Variants in ZCCHC8 observed in about 807,000 individuals in gnomAD.
The protein encoded by ZCCHC8 is zinc finger CCHC domain-containing protein 8.
Under a neutral mutation model 70.6 loss-of-function variants are expected in ZCCHC8, and 27 were observed. The observed-to-expected ratio is 0.38, with a 90% CI of 0.28 to 0.53. ZCCHC8 has a LOEUF of 0.53. ZCCHC8 is among the 20% of genes least tolerant of loss of function. The probability of loss-of-function intolerance (pLI) is 0.81; values close to 1 mark genes in which losing one functional copy is unlikely to be tolerated. For synonymous variants in ZCCHC8, 293 were observed against 317.4 expected (o/e 0.92, Z 0.82); for missense variants, 737 against 876.9 (o/e 0.84, Z 2.01).
chr12:122,490,621 A>T, intron 3 of ZCCHC8, 54 bp from the exon 4 acceptor site: 2 of 1,130,478 alleles, frequency 1.8e-6, no homozygotes, highest in Non-Finnish European at 2.5e-6. Flanking sequence ...CATTCAATAG[A>T]CTGAAGTCTT....
At chr12:122,497,864 CTGGG>C (rs1464370124) in intron 2 of ZCCHC8, among the ~76,000 whole-genome samples, 3 of 151,238 alleles carry the variant, frequency 2.0e-5, no homozygotes, top group Non-Finnish European at 4.4e-5. Context: ...AAAAAAGTAG[CTGGG>C]TGTGGTGGTG....
chr12:122,487,039 G>A (rs1273845532), intron 5 of ZCCHC8, among the ~76,000 whole-genome samples: 1 of 152,170 alleles, frequency 6.6e-6, no homozygotes, highest in Non-Finnish European at 1.5e-5. Context: ...CTCCTGCCTT[G>A]GGGCTTTCTA....
At chr12:122,498,941 C>T (rs1471683090) in intron 1 of ZCCHC8, 72 bp from the exon 2 acceptor site, 39 of 1,345,712 alleles carry the variant, frequency 2.9e-5, no homozygotes, top group Non-Finnish European at 4.0e-5. Context: ...CTACTTCTCT[C>T]ACTTTTGGTG....
rs761279694 is a variant in ZCCHC8 at position 122,474,100 on chromosome 12, A to G, written c.1521T>C (p.Ser507=). The G allele has an allele frequency of 5.9e-6, 9 of 1,516,196 alleles. No homozygotes were observed. In the South Asian group the frequency reaches 1.1e-4, roughly 18 times the overall value. The allele number at this position is 1,516,196 out of a possible 1,614,324, so 93.9% of individuals were successfully genotyped here. The change falls in exon 14 of 14, where the codon TCT becomes TCC. Residue 507 remains serine (S), a synonymous_variant. Transcript: ENST00000633063. ...TCAGTGCGTCCTCATCCACAGCTCC[A>G]GATGCTGTTCTGGTCTGGGGTGAGT... is the stretch of plus-strand genomic sequence containing the variant. ...PSDSPQTRTA[S]GAVDEDALTL...
chr12:122,474,514 G>T (rs1005787045), intron 13 of ZCCHC8, among the ~76,000 whole-genome samples: 2 of 152,116 alleles, frequency 1.3e-5, no homozygotes, highest in African/African-American at 4.8e-5. Context: ...TCCCTCGGGA[G>T]ATCTGTTTCT....
At chr12:122,490,042 T>A (rs972291403) in intron 4 of ZCCHC8, among the ~76,000 whole-genome samples, 5 of 152,028 alleles carry the variant, frequency 3.3e-5, no homozygotes, top group East Asian at 1.9e-4. Context: ...CTCTTTTTTT[T>A]AAAACATAAA....
rs540201136 is a variant in ZCCHC8, at chr12:122,497,736, T to G, written c.242+1091A>C. On this transcript the variant is annotated intron_variant, in intron 2 of 13. Transcript: ENST00000633063. ...TAAAGTTAGGTGCCTAGGCTGGGCA[T>G]GGTGGCTCATCCCTGTAATTCCAGC... 2.0e-5 allele frequency among the ~76,000 whole-genome samples: 3 copies of G among 151,942 alleles called. No individual in the cohort carries two copies. In the South Asian group the frequency reaches 6.2e-4, roughly 32 times the overall value.
intron 13 of ZCCHC8, among the ~76,000 whole-genome samples, chr12:122,477,613 T>C (rs1456886538): frequency 8.2e-6 from 1 of 121,412 alleles, no homozygotes; most frequent in African/African-American, 2.7e-5. Flanking sequence ...TGAAACCCTG[T>C]CTCTACTAAA....
rs75832895 is a variant in ZCCHC8 at position 122,486,154 on chromosome 12, C to T, written c.502-2591G>A. 5.3e-3 allele frequency among the ~76,000 whole-genome samples: 800 copies of T among 152,126 alleles called. 9 individuals are homozygous for T. Among genetic ancestry groups the T allele is most frequent in the African/African-American group, 0.018 (759 of 41,512 alleles). ...TCATGGCCAGGCGTGGTGGCTCATG[C>T]CTGTAATCCTAGCACTTTGGGAGGC... On this transcript the variant is annotated intron_variant, in intron 5 of 13. Transcript: ENST00000633063.
intron 10 of ZCCHC8, 26 bp downstream of exon 10, chr12:122,481,486 CACTTAAGGTG>C (rs751699624): frequency 6.5e-7 from 1 of 1,528,430 alleles, no homozygotes; most frequent in South Asian, 1.3e-5. Context: ...AAAAAGGAAA[CACTTAAGGTG>C]ACTTCTCTAA....
intron 2 of ZCCHC8, 60 bp downstream of exon 2, chr12:122,498,767 A>G (rs1957869969): frequency 1.3e-6 from 2 of 1,498,952 alleles, no homozygotes; most frequent in Admixed American, 1.7e-5. Context: ...TTCTGATTAA[A>G]TATTAATATC....
At chr12:122,492,639 T>C in intron 3 of ZCCHC8, 76 bp downstream of exon 3, 1 of 955,734 alleles carries the variant, frequency 1.0e-6, no homozygotes, top group Non-Finnish European at 1.6e-6. Flanking sequence ...TGAGTACAAA[T>C]GAAAACAGCA....
At chr12:122,486,984 T>A (rs1247443956) in intron 5 of ZCCHC8, among the ~76,000 whole-genome samples, 1 of 152,200 alleles carries the variant, frequency 6.6e-6, no homozygotes, top group Non-Finnish European at 1.5e-5. Flanking sequence ...AGCACCTTCA[T>A]GAGTAATACC....
Position 122,481,646 on chromosome 12 carries a change from T to G in ZCCHC8, c.894A>C (p.Ala298=). 9 of 1,612,502 alleles carry G rather than the reference T, an allele frequency of 5.6e-6. No individual in the cohort carries two copies. The highest frequency in any genetic ancestry group is 7.6e-6 in the Non-Finnish European group (9 of 1,179,496). ...GAAGACTCTTGTCTGTCACACCTAG[T>G]GCATCTTGAAGTTCCTCACTAAGTA... ...PGVISEELQD[A]LGVTDKSLPP... The change falls in exon 10 of 14, where the codon GCA becomes GCC. Residue 298 remains alanine (A), a synonymous_variant. Coordinates refer to ENST00000633063, the MANE Select transcript of ZCCHC8 (RefSeq NM_017612.5).
At chr12:122,481,825 A>G in intron 9 of ZCCHC8, 120 bp downstream of exon 9, 1 of 1,400,766 alleles carries the variant, frequency 7.1e-7, no homozygotes, top group East Asian at 2.5e-5. Context: ...GAATTAATGT[A>G]TATTACCTAG....
intron 5 of ZCCHC8, among the ~76,000 whole-genome samples, chr12:122,486,459 A>G (rs1041500348): frequency 6.7e-6 from 1 of 149,482 alleles, no homozygotes; most frequent in Non-Finnish European, 1.5e-5. Context: ...ATCATGTTAC[A>G]TTTCTACTTA....
intron 8 of ZCCHC8, chr12:122,482,319 T>A: frequency 2.2e-6 from 1 of 452,450 alleles, no homozygotes; most frequent in Non-Finnish European, 3.8e-6. Flanking sequence ...ACTCTACAAT[T>A]TAATTCTCAT....
At position 122,473,727 on chromosome 12, in the gene ZCCHC8, T is replaced by G. The variant is rs965098499; in HGVS notation, c.1894A>C (p.Asn632His). The change falls in exon 14 of 14, where the codon AAC (asparagine) becomes CAC (histidine). Residue 632 changes from asparagine to histidine, a missense_variant. Transcript: ENST00000633063. ...CTGCCCCCATTGCTGATGTCACAGT[T>G]TGGTACGACACTGCCATTATCAAGA... is the stretch of plus-strand genomic sequence containing the variant. ...ALLDNGSVVP[N>H]CDISNGGSQK... 5.0e-6 allele frequency: 8 copies of G among 1,613,872 alleles called. No individual in the cohort carries two copies. Among genetic ancestry groups the G allele is most frequent in the Non-Finnish European group, 6.8e-6 (8 of 1,179,890 alleles).
At chr12:122,493,850 T>G (rs533377668) in intron 2 of ZCCHC8, among the ~76,000 whole-genome samples, 2 of 151,938 alleles carry the variant, frequency 1.3e-5, no homozygotes, top group Non-Finnish European at 1.5e-5. Context: ...CCTGACCTCG[T>G]GATCTGCCCG....
Sources: allele counts gnomAD v4.1 joint callset (sites outside exome capture counted in the v4.1 genomes callset), GRCh38; gene constraint gnomAD v4.1.1; transcripts MANE v1.5; gene names NCBI Gene and HGNC (gene_info 2026-07-23, HGNC 2026-07-21).